PRPF8: variants seen among roughly 807,000 people sequenced by gnomAD.
PRPF8 encodes pre-mRNA-processing-splicing factor 8.
Under a neutral mutation model 285.9 loss-of-function variants are expected in PRPF8, and 64 were observed. That is an observed-to-expected ratio of 0.22 (90% CI 0.18 to 0.28). PRPF8 has a LOEUF of 0.28. PRPF8 is among the 10% of genes least tolerant of loss of function. PRPF8 has a pLI of 1.00. For missense variants in PRPF8, 1,426 were observed against 3,026.7 expected (o/e 0.47, Z 12.41); for synonymous variants, 1,325 against 1,118.2 (o/e 1.18, Z -3.69).
chr17:1,679,540 C>T lies in PRPF8; in HGVS notation c.1289+69G>A, dbSNP rs1912792324. On this transcript the variant is annotated intron_variant, in intron 9 of 42. Coordinates refer to ENST00000304992, the MANE Select transcript of PRPF8 (RefSeq NM_006445.4). This position sits in a 1 kb window ranked among gnomAD's most constrained non-coding sequence, Gnocchi z 4.7. The stretch of plus-strand genomic sequence containing the variant: ...AAGAATTTAAAAAAAAGGCTACATG[C>T]CCACCTAGTTGGAGTCTTTTCTCCT... The T allele has an allele frequency of 1.2e-6, 2 of 1,600,436 alleles. No individual in the cohort carries two copies. The highest frequency in any genetic ancestry group is 2.7e-5 in the African/African-American group (2 of 74,030).
intron 1 of PRPF8, 68 bp downstream of exon 1, chr17:1,684,712 C>A: frequency 1.2e-6 from 1 of 853,968 alleles, no homozygotes; most frequent in Non-Finnish European, 1.9e-6. Flanking sequence ...CCCGGCCTAA[C>A]CCCTTCGGTC....
intron 39 of PRPF8, chr17:1,652,173 A>C: frequency 2.8e-6 from 1 of 363,604 alleles, no homozygotes; most frequent in Non-Finnish European, 5.3e-6. Context: ...AAGAAAGAGG[A>C]TCTGTTTACT....
At chr17:1,677,463 A>G (rs1912664497) in intron 14 of PRPF8, 102 bp downstream of exon 14, 1 of 1,547,306 alleles carries the variant, frequency 6.5e-7, no homozygotes, top group Non-Finnish European at 8.9e-7. Context: ...AAGGCAATCC[A>G]GTAGGAAGAG....
chr17:1,660,716 C>T lies in PRPF8; in HGVS notation c.4620G>A (p.Pro1540=), dbSNP rs781186541. The T allele has an allele frequency of 1.1e-5, 17 of 1,613,932 alleles. No individual in the cohort carries two copies. The highest frequency in any genetic ancestry group is 5.5e-5 in the South Asian group (5 of 91,078). ...PNRRFTLWWS[P]TINRANVYVG... is the part of the protein sequence containing the mutation. ...CACTCACATTGGCTCGATTAATGGT[C>T]GGGGACCACCAGAGGGTGAATCTAC... The change falls in exon 29 of 43, where the codon CCG becomes CCA. Residue 1540 remains proline, a synonymous_variant. Transcript: ENST00000304992.
In PRPF8 at chr17:1,653,092, C is replaced by G. The variant is rs1911171444; in HGVS notation, c.6369+450G>C. On this transcript the variant is annotated intron_variant, in intron 39 of 42. Coordinates refer to ENST00000304992, the MANE Select transcript of PRPF8 (RefSeq NM_006445.4). The surrounding 1 kb of genome is among the most constrained non-coding windows in gnomAD (Gnocchi z 4.9). ...TAGCTGCAACTACGGGCGCATGCCA[C>G]CATGCCTGGCTAATTTTTTGTATTT... The G allele has an allele frequency of 3.4e-6, 1 of 292,528 alleles. No homozygotes were observed. Among genetic ancestry groups the G allele is most frequent in the African/African-American group, 2.2e-5 (1 of 45,854 alleles). The allele number at this position is 292,528 out of a possible 1,614,324, so 18.1% of individuals were successfully genotyped here. A position where few individuals can be genotyped will look rare whatever the true frequency, so the allele number is the denominator to read the frequency against.
chr17:1,654,133 C>A, intron 37 of PRPF8, 117 bp from the exon 38 acceptor site: 1 of 1,454,290 alleles, frequency 6.9e-7, no homozygotes. Flanking sequence ...CCCAGACAAT[C>A]CACAAGAGCT....
chr17:1,681,768 T>C (rs1912942326), intron 5 of PRPF8, 52 bp downstream of exon 5: 1 of 1,611,062 alleles, frequency 6.2e-7, no homozygotes, highest in Non-Finnish European at 8.5e-7. Flanking sequence ...CCAGGACTCC[T>C]TCTGCATTTC....
At chr17:1,652,298 GTGTGATCTCAGCTCAC>G (rs1352306372) in intron 39 of PRPF8, among the ~76,000 whole-genome samples, 1 of 152,204 alleles carries the variant, frequency 6.6e-6, no homozygotes, top group Non-Finnish European at 1.5e-5. Flanking sequence ...GAGTGCAGTG[GTGTGATCTCAGCTCAC>G]TGCGACCTCC....
At position 1,674,899 on chromosome 17, in the gene PRPF8, G is replaced by A. The variant is rs1311319322; in HGVS notation, c.3061-219C>T. Among the ~76,000 whole-genome samples the A allele has an allele frequency of 2.0e-5, 3 of 151,904 alleles. 1 individual carries two copies. Among genetic ancestry groups the A allele is most frequent in the African/African-American group, 7.3e-5 (3 of 41,328 alleles). On this transcript the variant is annotated intron_variant, in intron 20 of 42. Transcript: ENST00000304992. The stretch of plus-strand genomic sequence containing the variant: ...TGATTCTCCTGCCTCAGCCTCCCAA[G>A]TAGCTGGGATTACAGGCGCCCACCA...
rs1400650389 is a variant in PRPF8, at chr17:1,675,556, G to A, written c.2872+64C>T. The A allele has an allele frequency of 1.9e-6, 3 of 1,599,300 alleles. No individual in the cohort carries two copies. In the South Asian group the frequency reaches 3.3e-5, roughly 18 times the overall value. On this transcript the variant is annotated intron_variant, in intron 19 of 42. Coordinates refer to ENST00000304992, the MANE Select transcript of PRPF8 (RefSeq NM_006445.4). This position sits in a 1 kb window ranked among gnomAD's most constrained non-coding sequence, Gnocchi z 6.0. Reference sequence around the variant, plus strand: ...TAAACCAATCATGCTACCCAGATGAGATTTTTGACGTAGAACTAAATTCCT... The same window carrying A: ...TAAACCAATCATGCTACCCAGATGAAATTTTTGACGTAGAACTAAATTCCT...
rs1239095185 is a variant in PRPF8, at chr17:1,653,454, T to C, written c.6369+88A>G. 7 of 1,554,854 alleles carry C rather than the reference T, an allele frequency of 4.5e-6. No individual in the cohort carries two copies. The East Asian group carries it at 6.7e-5, about 15-fold the overall frequency. On this transcript the variant is annotated intron_variant, in intron 39 of 42. Transcript: ENST00000304992. The surrounding 1 kb of genome is among the most constrained non-coding windows in gnomAD (Gnocchi z 4.9). The stretch of plus-strand genomic sequence containing the variant: ...TCATCCATGAATCTTGAAACCAGCA[T>C]CTCAAGTTCCAGACAATCTCAGGTC...
At chr17:1,682,945 G>A (rs143361270) in intron 3 of PRPF8, 199 of 188,900 alleles carry the variant, frequency 1.1e-3, no homozygotes, top group African/African-American at 4.5e-3. Flanking sequence ...ACTATGCACA[G>A]TATCCCACTC....
chr17:1,679,226 A>G lies in PRPF8; in HGVS notation c.1410-20T>C, dbSNP rs1200025560. 8.7e-6 allele frequency: 14 copies of G among 1,614,216 alleles called. No individual in the cohort carries two copies. The highest frequency in any genetic ancestry group is 1.2e-5 in the Non-Finnish European group (14 of 1,180,044). On this transcript the variant is annotated intron_variant, in intron 10 of 42. Transcript: ENST00000304992. The surrounding 1 kb of genome is among the most constrained non-coding windows in gnomAD (Gnocchi z 4.7). ...AAATACCTGAGGTGGGAACATGGAG[A>G]GTAAGAGTCAGCCTACTGATATCTC...
Position 1,679,220 on chromosome 17 carries a change from A to G in PRPF8, c.1410-14T>C, listed in dbSNP as rs1912770425. The G allele has an allele frequency of 2.5e-6, 4 of 1,614,224 alleles. No individual in the cohort carries two copies. The highest frequency in any genetic ancestry group is 1.1e-5 in the South Asian group (1 of 91,088). On this transcript the variant is annotated splice_polypyrimidine_tract_variant and intron_variant, in intron 10 of 42. Transcript: ENST00000304992. The surrounding 1 kb of genome is among the most constrained non-coding windows in gnomAD (Gnocchi z 4.7). Reference sequence around the variant, plus strand: ...CGGAACAAATACCTGAGGTGGGAACATGGAGAGTAAGAGTCAGCCTACTGA... The same window carrying G: ...CGGAACAAATACCTGAGGTGGGAACGTGGAGAGTAAGAGTCAGCCTACTGA...
At position 1,651,032 on chromosome 17, in the gene PRPF8, G is replaced by A; in HGVS notation, c.6853+76C>T. On this transcript the variant is annotated intron_variant, in intron 42 of 42. Transcript: ENST00000304992. This position sits in a 1 kb window ranked among gnomAD's most constrained non-coding sequence, Gnocchi z 5.1. ...GCCTGCGCCACCTCCAAGCCAGCCA[G>A]GCCCCAAGTGCAAAGGGCGATGGCC... 6.2e-7 allele frequency: 1 copy of A among 1,613,902 alleles called. No individual in the cohort carries two copies.
chr17:1,675,469 T>A lies in PRPF8; in HGVS notation c.2873-130A>T. ...ACGTATTCATTTGGATTGCTTTGACTATGGGCTTTTCCTCAGTTTAACACG... is the reference window on the plus strand; with the variant it reads ...ACGTATTCATTTGGATTGCTTTGACAATGGGCTTTTCCTCAGTTTAACACG... On this transcript the variant is annotated intron_variant, in intron 19 of 42. Coordinates refer to ENST00000304992, the MANE Select transcript of PRPF8 (RefSeq NM_006445.4). The surrounding 1 kb of genome is among the most constrained non-coding windows in gnomAD (Gnocchi z 6.0). 1 of 1,449,938 alleles carries A rather than the reference T, an allele frequency of 6.9e-7. No homozygotes were observed. Among genetic ancestry groups the A allele is most frequent in the Non-Finnish European group, 9.7e-7 (1 of 1,035,766 alleles). 89.8% of individuals were successfully genotyped at this position (1,449,938 alleles called of 1,614,324 possible).
chr17:1,675,363 C>G lies in PRPF8; in HGVS notation c.2873-24G>C, dbSNP rs758648729. On this transcript the variant is annotated intron_variant, in intron 19 of 42. Transcript: ENST00000304992. This position sits in a 1 kb window ranked among gnomAD's most constrained non-coding sequence, Gnocchi z 6.0. ...GCCTGAGGAGTAGCAAGGCAGGTCT[C>G]CAGCAGGTTAGAAATCCTCTTGCAA... is the stretch of plus-strand genomic sequence containing the variant. 6.2e-7 allele frequency: 1 copy of G among 1,613,646 alleles called. No individual in the cohort carries two copies. Among genetic ancestry groups the G allele is most frequent in the Non-Finnish European group, 8.5e-7 (1 of 1,179,766 alleles).
chr17:1,683,180 A>G (rs1396826597), intron 3 of PRPF8: 15 of 338,670 alleles, frequency 4.4e-5, no homozygotes, highest in Non-Finnish European at 8.1e-5. Flanking sequence ...TATTTTTAGT[A>G]GAGACGGGGT....
chr17:1,667,701 G>T (rs994931736), intron 24 of PRPF8, among the ~76,000 whole-genome samples: 2 of 152,106 alleles, frequency 1.3e-5, no homozygotes, highest in East Asian at 3.9e-4. Context: ...GTGCCACCAC[G>T]CCTGGCTAAT....
Sources: gnomAD v4.1 joint callset for allele counts (sites outside exome capture counted in the v4.1 genomes callset) on GRCh38, gnomAD v4.1.1 for gene constraint, Gnocchi (gnomAD v3.1) non-coding constraint, MANE v1.5 for transcripts, NCBI Gene and HGNC (gene_info 2026-07-23, HGNC 2026-07-21) for gene names.